The following TSG101 variants were observed in gnomAD, a reference collection of about 807,000 sequenced individuals.
The protein encoded by TSG101 is tumor susceptibility 101.
Under a neutral mutation model 48.5 loss-of-function variants are expected in TSG101, and 19 were observed. The observed-to-expected ratio is 0.39, with a 90% CI of 0.27 to 0.58. The LOEUF (loss-of-function observed/expected upper bound fraction) is 0.58. TSG101 is among the 20% of genes least tolerant of loss of function. The pLI is 0.55. For synonymous variants in TSG101, 174 were observed against 169.4 expected, an observed-to-expected ratio of 1.03 and a Z score of -0.21; for missense variants, 365 against 484.4, an observed-to-expected ratio of 0.75 and a Z score of 2.31.
intron 3 of TSG101, among the ~76,000 whole-genome samples, chr11:18,515,470 A>G (rs935174215): frequency 6.6e-5 from 10 of 152,206 alleles, no homozygotes; most frequent in African/African-American, 2.4e-4. Context: ...TCACCACTAA[A>G]TATTTCAGCA....
At chr11:18,493,034 A>G (rs1849721542) in intron 7 of TSG101, among the ~76,000 whole-genome samples, 1 of 152,226 alleles carries the variant, frequency 6.6e-6, no homozygotes, top group African/African-American at 2.4e-5. Flanking sequence ...TATAACAAGA[A>G]TAAGAAGAGT....
chr11:18,519,641 C>A (rs372796420), intron 1 of TSG101, 38 bp from the exon 2 acceptor site: 64 of 1,433,438 alleles, frequency 4.5e-5, no homozygotes, highest in Non-Finnish European at 6.1e-5. Flanking sequence ...AGTTTAAAAC[C>A]AATGCATATA....
chr11:18,483,410 C>T (rs949222772), intron 8 of TSG101, among the ~76,000 whole-genome samples: 1 of 150,420 alleles, frequency 6.6e-6, no homozygotes, highest in African/African-American at 2.4e-5. Context: ...TCAGGAGAAT[C>T]GCTTGAACCT....
intron 7 of TSG101, among the ~76,000 whole-genome samples, chr11:18,495,332 T>G (rs550813818): frequency 1.6e-4 from 24 of 152,342 alleles, no homozygotes; most frequent in African/African-American, 5.8e-4. Context: ...GTTAAAGGCC[T>G]AAAGCCTAGG....
chr11:18,480,788 G>A (rs1467875766), intron 9 of TSG101, among the ~76,000 whole-genome samples, 153 bp from the exon 10 acceptor site: 2 of 152,190 alleles, frequency 1.3e-5, no homozygotes, highest in Admixed American at 1.3e-4. Context: ...TGGCTTTTAA[G>A]CTGCATATTA....
intron 1 of TSG101, among the ~76,000 whole-genome samples, chr11:18,523,981 G>C (rs911710992): frequency 7.9e-5 from 12 of 152,080 alleles, no homozygotes; most frequent in African/African-American, 2.7e-4. Flanking sequence ...TGTAGAGACA[G>C]AGTCTAGCTA....
chr11:18,507,030 G>T lies in TSG101; in HGVS notation c.482-107C>A, dbSNP rs1477749001. ...TGTCAATACACAGCAAAATTTCACAGTTAAAAAATCCAAATCTCAGCACCA... is the reference window on the plus strand; with the variant it reads ...TGTCAATACACAGCAAAATTTCACATTTAAAAAATCCAAATCTCAGCACCA... On this transcript the variant is annotated intron_variant, in intron 5 of 9. Coordinates refer to ENST00000251968, the MANE Select transcript of TSG101 (RefSeq NM_006292.4). 7.8e-6 allele frequency: 6 copies of T among 771,936 alleles called. No individual in the cohort carries two copies. In the African/African-American group the frequency reaches 1.1e-4, roughly 14 times the overall value. The allele number at this position is 771,936 out of a possible 1,614,324, so 47.8% of individuals were successfully genotyped here. A position where few individuals can be genotyped will look rare whatever the true frequency, so the allele number is the denominator to read the frequency against.
chr11:18,518,868 T>C (rs1850221738), intron 2 of TSG101, among the ~76,000 whole-genome samples: 1 of 152,184 alleles, frequency 6.6e-6, no homozygotes, highest in South Asian at 2.1e-4. Context: ...TGCTCAAGCT[T>C]AACTATAGAA....
intron 2 of TSG101, among the ~76,000 whole-genome samples, chr11:18,519,194 G>A (rs981661922): frequency 9.9e-5 from 15 of 151,850 alleles, no homozygotes; most frequent in African/African-American, 3.6e-4. Flanking sequence ...TTGTTGAGAC[G>A]AGGTTTCACC....
At chr11:18,505,742 T>C (rs1156369558) in intron 6 of TSG101, among the ~76,000 whole-genome samples, 2 of 152,326 alleles carry the variant, frequency 1.3e-5, no homozygotes, top group East Asian at 1.9e-4. Context: ...ACTGAATAAG[T>C]AAATATCATG....
At chr11:18,526,734 C>G in intron 1 of TSG101, 41 bp downstream of exon 1, 1 of 1,591,028 alleles carries the variant, frequency 6.3e-7, no homozygotes. Flanking sequence ...CGGAAGGGAG[C>G]GGTGGGCGCG....
At chr11:18,501,753 C>T (rs977927199) in intron 7 of TSG101, among the ~76,000 whole-genome samples, 2 of 152,130 alleles carry the variant, frequency 1.3e-5, no homozygotes, top group Non-Finnish European at 2.9e-5. Flanking sequence ...AAATGTCTTT[C>T]CATTTGTTTG....
At chr11:18,512,790 C>CG (rs932249312) in intron 4 of TSG101, among the ~76,000 whole-genome samples, 1 of 142,256 alleles carries the variant, frequency 7.0e-6, no homozygotes, top group Non-Finnish European at 1.5e-5. Flanking sequence ...TGCAGTGGTG[C>CG]GATCTCGGCT....
chr11:18,481,369 A>G, intron 9 of TSG101: 1 of 1,216,368 alleles, frequency 8.2e-7, no homozygotes, highest in Non-Finnish European at 1.0e-6. Context: ...ACCCAGGCAC[A>G]GAAGAGTTAC....
chr11:18,511,166 C>G (rs1850074854), intron 4 of TSG101: 1 of 152,212 alleles, frequency 6.6e-6, no homozygotes, highest in Non-Finnish European at 1.5e-5. Flanking sequence ...TTTTACACCC[C>G]TCCTCCCCCC....
chr11:18,496,463 A>AAAATAAAATAAAATAAAATAAAAT (rs1565085944), intron 7 of TSG101, among the ~76,000 whole-genome samples: 14 of 139,982 alleles, frequency 1.0e-4, no homozygotes, highest in East Asian at 4.3e-4. Context: ...AAAATAAAAT[A>AAAATAAAATAAAATAAAATAAAAT]AAATAAAATA....
intron 5 of TSG101, chr11:18,507,674 T>C (rs1456440508): frequency 6.6e-6 from 1 of 152,124 alleles, no homozygotes; most frequent in Admixed American, 6.5e-5. Context: ...AAGAATCTGC[T>C]CTAGAGTGTT....
intron 7 of TSG101, among the ~76,000 whole-genome samples, chr11:18,500,203 T>A (rs996529792): frequency 1.3e-5 from 2 of 152,220 alleles, no homozygotes; most frequent in Non-Finnish European, 2.9e-5. Context: ...TACACATACC[T>A]CATTGTCTTT....
intron 2 of TSG101, among the ~76,000 whole-genome samples, chr11:18,518,420 C>A (rs1489746265): frequency 6.6e-6 from 1 of 152,208 alleles, no homozygotes; most frequent in Non-Finnish European, 1.5e-5. Flanking sequence ...CAAGCAGCAG[C>A]ATGGGTTTTC....
Sources: allele counts gnomAD v4.1 joint callset (sites outside exome capture counted in the v4.1 genomes callset), GRCh38; gene constraint gnomAD v4.1.1; transcripts MANE v1.5; gene names NCBI Gene and HGNC (gene_info 2026-07-23, HGNC 2026-07-21).